Variants in WWOX observed in about 807,000 individuals in gnomAD.
WWOX encodes WW domain containing oxidoreductase, also known as WW domain-containing oxidoreductase.
A neutral mutation model predicts 46.2 loss-of-function variants in WWOX; 69 were observed. The ratio of observed to expected loss-of-function variants is 1.49; its 90% CI spans 1.23 to 1.82. WWOX has a LOEUF of 1.82. WWOX is among the 40% of genes most tolerant of loss of function. WWOX has a pLI of 0.00. For missense variants in WWOX, 919 were observed against 542.6 expected, an observed-to-expected ratio of 1.69 and a Z score of -6.89; for synonymous variants, 359 against 202.6, an observed-to-expected ratio of 1.77 and a Z score of -6.56.
intron 5 of WWOX, among the ~76,000 whole-genome samples, chr16:78,378,334 G>C (rs1840310158): frequency 6.6e-6 from 1 of 152,052 alleles, no homozygotes; most frequent in African/African-American, 2.4e-5. Context: ...TTCATCTTTA[G>C]GCTTGGCAAA....
chr16:78,254,221 C>T (rs144512234), intron 5 of WWOX, among the ~76,000 whole-genome samples: 2 of 151,794 alleles, frequency 1.3e-5, no homozygotes, highest in Admixed American at 1.3e-4. Context: ...CCACCAAGCT[C>T]GGCTAAATTT....
chr16:78,752,314 C>G (rs963502787), intron 8 of WWOX, among the ~76,000 whole-genome samples: 1 of 152,180 alleles, frequency 6.6e-6, no homozygotes, highest in Non-Finnish European at 1.5e-5. Context: ...TTGACGGAGT[C>G]TCACACTCTG....
At position 78,991,548 on chromosome 16, in the gene WWOX, C is replaced by T. The variant is rs1194830929; in HGVS notation, c.1057-220060C>T. On this transcript the variant is annotated intron_variant, in intron 8 of 8. Coordinates refer to ENST00000566780, the MANE Select transcript of WWOX (RefSeq NM_016373.4). ...CCTGGGAATTTGAGGCTATAGTGAG[C>T]CATGATTGCACCACTGCACTCCAGA... Among the ~76,000 whole-genome samples the T allele has an allele frequency of 2.1e-5, 3 of 143,584 alleles. No homozygotes were observed. The East Asian group carries it at 6.2e-4, about 30-fold the overall frequency. 94.2% of individuals were successfully genotyped at this position (143,584 alleles called of 152,430 possible).
intron 8 of WWOX, among the ~76,000 whole-genome samples, chr16:78,959,681 C>G (rs529999649): frequency 1.3e-5 from 2 of 152,266 alleles, no homozygotes; most frequent in East Asian, 3.9e-4. Context: ...AGACTGCAGG[C>G]TCAGACACTG....
chr16:78,303,039 C>G (rs1012788126), intron 5 of WWOX, among the ~76,000 whole-genome samples: 5 of 152,298 alleles, frequency 3.3e-5, no homozygotes, highest in East Asian at 1.9e-4. Context: ...GATAGATGCT[C>G]TTATTGGAAC....
intron 8 of WWOX, among the ~76,000 whole-genome samples, chr16:78,983,379 T>A (rs564384506): frequency 1.3e-5 from 2 of 152,332 alleles, no homozygotes; most frequent in South Asian, 4.1e-4. Flanking sequence ...AGCATTGCAT[T>A]CTCCTTGGAT....
intron 8 of WWOX, among the ~76,000 whole-genome samples, chr16:78,587,130 A>G (rs770406973): frequency 6.7e-5 from 10 of 150,034 alleles, no homozygotes; most frequent in East Asian, 2.0e-4. Flanking sequence ...GGCTCAACCT[A>G]TCCTCTTACC....
chr16:78,512,641 A>G (rs1349129356), intron 8 of WWOX, among the ~76,000 whole-genome samples: 1 of 152,196 alleles, frequency 6.6e-6, no homozygotes. Flanking sequence ...AGGATGAGAA[A>G]GATTTCTGGG....
In WWOX at chr16:78,235,947, A is replaced by G. The variant is rs550065901; in HGVS notation, c.516+71658A>G. Among the ~76,000 whole-genome samples, 7 of 152,344 alleles carry G rather than the reference A, an allele frequency of 4.6e-5. No homozygotes were observed. The East Asian group carries it at 1.3e-3, about 29-fold the overall frequency. On this transcript the variant is annotated intron_variant, in intron 5 of 8. Transcript: ENST00000566780. The stretch of plus-strand genomic sequence containing the variant: ...TTTTTCTCTAAAGGGCTGGATAGTC[A>G]ATATTTTTAGCTTTGTGGGCTTTAT...
chr16:78,462,150 T>C (rs924576307), intron 8 of WWOX, among the ~76,000 whole-genome samples: 1 of 152,144 alleles, frequency 6.6e-6, no homozygotes, highest in African/African-American at 2.4e-5. Context: ...ACAGTTGGAG[T>C]CAGTTGTGGA....
intron 8 of WWOX, among the ~76,000 whole-genome samples, chr16:79,162,263 C>G (rs764356173): frequency 6.6e-6 from 1 of 152,202 alleles, no homozygotes; most frequent in East Asian, 1.9e-4. Context: ...TCACGGAAGT[C>G]TGCCTCTGTG....
At chr16:78,932,681 C>T (rs926745286) in intron 8 of WWOX, among the ~76,000 whole-genome samples, 4 of 152,190 alleles carry the variant, frequency 2.6e-5, no homozygotes, top group Admixed American at 6.5e-5. Context: ...ATGGGAGGAC[C>T]TGGTGGAGTT....
chr16:78,369,346 C>T (rs753414232), intron 5 of WWOX, among the ~76,000 whole-genome samples: 51 of 151,092 alleles, frequency 3.4e-4, no homozygotes, highest in Middle Eastern at 3.4e-3. Context: ...GAGAAAAAAA[C>T]GTGGAAAAAA....
rs558130756 is a variant in WWOX at position 78,816,637 on chromosome 16, G to T, written c.1056+383885G>T. Among the ~76,000 whole-genome samples, 20 of 147,378 alleles carry T rather than the reference G, an allele frequency of 1.4e-4. No homozygotes were observed. In the South Asian group the frequency reaches 2.6e-3, roughly 19 times the overall value. On this transcript the variant is annotated intron_variant, in intron 8 of 8. Transcript: ENST00000566780. ...TGTAATAGTAAATACAGATGTAGCTGTGTCACATTAAAAGCACAACCAAAT... is the reference window on the plus strand; with the variant it reads ...TGTAATAGTAAATACAGATGTAGCTTTGTCACATTAAAAGCACAACCAAAT...
intron 8 of WWOX, among the ~76,000 whole-genome samples, chr16:78,650,296 T>A (rs2046938068): frequency 6.6e-6 from 1 of 152,206 alleles, no homozygotes; most frequent in Admixed American, 6.5e-5. Context: ...TGTATCCGCT[T>A]TTTGTCTTTC....
At chr16:78,137,149 A>G (rs1255316513) in intron 4 of WWOX, among the ~76,000 whole-genome samples, 1 of 152,214 alleles carries the variant, frequency 6.6e-6, no homozygotes, top group Non-Finnish European at 1.5e-5. Context: ...AGAAAGACAC[A>G]TCTGAAATGG....
intron 5 of WWOX, among the ~76,000 whole-genome samples, chr16:78,220,998 A>G (rs2036868646): frequency 6.6e-6 from 1 of 152,210 alleles, no homozygotes; most frequent in Admixed American, 6.5e-5. Context: ...TTTAGATTTT[A>G]AAATTTCATT....
intron 8 of WWOX, among the ~76,000 whole-genome samples, chr16:78,574,676 G>C (rs990239920): frequency 6.6e-6 from 1 of 151,754 alleles, no homozygotes; most frequent in Non-Finnish European, 1.5e-5. Context: ...AGGACATTAT[G>C]TTAAGTCAAA....
chr16:78,189,275 A>G (rs2035806757), intron 5 of WWOX, among the ~76,000 whole-genome samples: 2 of 152,176 alleles, frequency 1.3e-5, no homozygotes, highest in South Asian at 4.1e-4. Flanking sequence ...CTGTGCCACG[A>G]TGGTCTCCTA....
Sources: gnomAD v4.1 joint callset for allele counts (sites outside exome capture counted in the v4.1 genomes callset) on GRCh38, gnomAD v4.1.1 for gene constraint, MANE v1.5 for transcripts, NCBI Gene and HGNC (gene_info 2026-07-23, HGNC 2026-07-21) for gene names.